The following EXOC6B variants were observed in gnomAD, a reference collection of about 807,000 sequenced individuals.
EXOC6B encodes exocyst complex component 6B.
A neutral mutation model predicts 113.5 loss-of-function variants in EXOC6B; 54 were observed. The ratio of observed to expected loss-of-function variants is 0.48; its 90% CI spans 0.38 to 0.60. The LOEUF is 0.60. Among genes scored for constraint, EXOC6B ranks in the 20% least tolerant of loss-of-function variants. The pLI is 0.00. For synonymous variants in EXOC6B, 357 were observed against 339.0 expected (o/e 1.05, Z -0.58); for missense variants, 797 against 977.5 (o/e 0.82, Z 2.46).
At chr2:72,360,043 C>T (rs572575246) in intron 19 of EXOC6B, among the ~76,000 whole-genome samples, 2 of 152,276 alleles carry the variant, frequency 1.3e-5, no homozygotes, top group African/African-American at 2.4e-5. Flanking sequence ...GCTTGCAGAA[C>T]CATGAGCCAA....
At chr2:72,749,568 C>G (rs1370336953) in intron 1 of EXOC6B, among the ~76,000 whole-genome samples, 3 of 151,686 alleles carry the variant, frequency 2.0e-5, no homozygotes, top group African/African-American at 7.3e-5. Flanking sequence ...AAAAAAATCA[C>G]AAAACTGCAA....
chr2:72,608,700 T>C (rs145188322), intron 6 of EXOC6B, among the ~76,000 whole-genome samples: 54 of 152,104 alleles, frequency 3.6e-4, no homozygotes, highest in African/African-American at 1.3e-3. Flanking sequence ...TCAACACCAG[T>C]TATGCTGTAG....
At chr2:72,409,162 A>G (rs961714470) in intron 18 of EXOC6B, among the ~76,000 whole-genome samples, 6 of 152,216 alleles carry the variant, frequency 3.9e-5, no homozygotes, top group African/African-American at 1.4e-4. Flanking sequence ...CAAAACCACA[A>G]TGAGATACCA....
At chr2:72,588,427 T>A (rs979920108) in intron 6 of EXOC6B, among the ~76,000 whole-genome samples, 6 of 151,978 alleles carry the variant, frequency 3.9e-5, no homozygotes, top group African/African-American at 1.4e-4. Flanking sequence ...GTCATAAAAA[T>A]TAAAAACAAA....
At chr2:72,676,759 G>C (rs1676343102) in intron 6 of EXOC6B, among the ~76,000 whole-genome samples, 1 of 152,136 alleles carries the variant, frequency 6.6e-6, no homozygotes, top group Non-Finnish European at 1.5e-5. Context: ...CTTATACAGA[G>C]GCAATAACTC....
chr2:72,426,956 C>T (rs1210174259), intron 18 of EXOC6B, among the ~76,000 whole-genome samples: 2 of 152,168 alleles, frequency 1.3e-5, no homozygotes, highest in Admixed American at 6.5e-5. Context: ...TGCACTGCTG[C>T]CACCCTCGTG....
chr2:72,729,194 A>C (rs1656285796), intron 5 of EXOC6B, among the ~76,000 whole-genome samples: 1 of 152,130 alleles, frequency 6.6e-6, no homozygotes, highest in Non-Finnish European at 1.5e-5. Flanking sequence ...CATTCAATAA[A>C]TTTATGATAC....
At chr2:72,220,771 C>G (rs1003670412) in intron 20 of EXOC6B, among the ~76,000 whole-genome samples, 11 of 152,198 alleles carry the variant, frequency 7.2e-5, no homozygotes, top group Admixed American at 2.6e-4. Flanking sequence ...GTACTAACCT[C>G]AAACATTGTA....
chr2:72,417,598 T>C (rs1183883132), intron 18 of EXOC6B, among the ~76,000 whole-genome samples: 1 of 152,240 alleles, frequency 6.6e-6, no homozygotes, highest in African/African-American at 2.4e-5. Flanking sequence ...ATTCTGTTAT[T>C]AGTTATCCAG....
At chr2:72,629,320 G>T (rs536524217) in intron 6 of EXOC6B, among the ~76,000 whole-genome samples, 3 of 152,072 alleles carry the variant, frequency 2.0e-5, no homozygotes, top group Non-Finnish European at 2.9e-5. Flanking sequence ...ACATTGCAGT[G>T]CCTCCTCCAC....
In EXOC6B at chr2:72,545,858, T is replaced by A. The variant is rs1702868130; in HGVS notation, c.915+13595A>T. ...TTATTTCCCAAGTGCTTTACTGTAA[T>A]GTTCAATAGCAACTAAAGTTCTTTA... On this transcript the variant is annotated intron_variant, in intron 8 of 21. Transcript: ENST00000272427. Among the ~76,000 whole-genome samples the A allele has an allele frequency of 2.0e-5, 3 of 152,232 alleles. No individual in the cohort carries two copies. The South Asian group carries it at 6.2e-4, about 31-fold the overall frequency.
At chr2:72,768,110 T>G (rs1191596523) in intron 1 of EXOC6B, among the ~76,000 whole-genome samples, 5 of 119,884 alleles carry the variant, frequency 4.2e-5, no homozygotes, top group East Asian at 2.3e-4. Flanking sequence ...GGGGCCAGAG[T>G]GAGACTCCGT....
intron 19 of EXOC6B, among the ~76,000 whole-genome samples, chr2:72,352,088 T>C (rs1195251954): frequency 1.3e-5 from 2 of 152,154 alleles, no homozygotes; most frequent in Non-Finnish European, 2.9e-5. Flanking sequence ...TCTAGTCCAA[T>C]TGGGGATTTT....
rs1573861059 is a variant in EXOC6B, at chr2:72,825,979, C to G, written c.-69G>C. 1.9e-6 allele frequency: 3 copies of G among 1,572,736 alleles called. No homozygotes were observed. The highest frequency in any genetic ancestry group is 1.7e-5 in the Admixed American group (1 of 58,070). On this transcript the variant is annotated 5_prime_UTR_variant, in exon 1 of 22. Transcript: ENST00000272427. The surrounding 1 kb of genome is among the most constrained non-coding windows in gnomAD (Gnocchi z 4.4). ...TCACCTTTTCCCTGCCCCACAATGC[C>G]GCTCCCACCACAGGCTCCACAGCCG...
intron 19 of EXOC6B, among the ~76,000 whole-genome samples, chr2:72,363,382 A>C (rs1690434871): frequency 1.3e-5 from 2 of 152,098 alleles, no homozygotes; most frequent in African/African-American, 4.8e-5. Context: ...TAAAATAATC[A>C]AGCCGAGAAT....
At chr2:72,544,479 T>C (rs1198492420) in intron 8 of EXOC6B, among the ~76,000 whole-genome samples, 2 of 152,270 alleles carry the variant, frequency 1.3e-5, no homozygotes, top group South Asian at 2.1e-4. Context: ...TAGAAACTTT[T>C]TGAGAGCAGA....
chr2:72,502,953 C>T (rs898317724), intron 11 of EXOC6B, among the ~76,000 whole-genome samples: 9 of 152,172 alleles, frequency 5.9e-5, no homozygotes, highest in Admixed American at 5.9e-4. Flanking sequence ...CATATACAGT[C>T]TCATCTATTT....
chr2:72,506,184 GA>G (rs150321973), intron 11 of EXOC6B, among the ~76,000 whole-genome samples: 1 of 151,738 alleles, frequency 6.6e-6, no homozygotes, highest in Admixed American at 6.6e-5. Flanking sequence ...ATTGAGAAAA[GA>G]AAAAAACATA....
intron 6 of EXOC6B, among the ~76,000 whole-genome samples, chr2:72,633,742 A>T (rs1381494534): frequency 1.3e-5 from 2 of 152,228 alleles, no homozygotes; most frequent in Non-Finnish European, 2.9e-5. Flanking sequence ...CAAACTGCTG[A>T]AGTGTCTAAG....
Sources: gnomAD v4.1 joint callset for allele counts (sites outside exome capture counted in the v4.1 genomes callset) on GRCh38, gnomAD v4.1.1 for gene constraint, Gnocchi (gnomAD v3.1) non-coding constraint, MANE v1.5 for transcripts, NCBI Gene and HGNC (gene_info 2026-07-23, HGNC 2026-07-21) for gene names.